Variants in LCA5 observed in about 807,000 individuals in gnomAD.
LCA5 encodes lebercilin.
Under a neutral mutation model 53.0 loss-of-function variants are expected in LCA5, and 37 were observed. The ratio of observed to expected loss-of-function variants is 0.70; its 90% confidence interval spans 0.54 to 0.92. LCA5 has a LOEUF of 0.92. LCA5 is among the 40% of genes least tolerant of loss of function. The pLI, the probability that LCA5 is intolerant of heterozygous loss-of-function variation, is 0.00. For missense variants in LCA5, 806 were observed against 790.5 expected, an observed-to-expected ratio of 1.02 and a Z score of -0.23; for synonymous variants, 303 against 282.9, an observed-to-expected ratio of 1.07 and a Z score of -0.71.
chr6:79,487,549 T>G lies in LCA5; in HGVS notation c.1549A>C (p.Arg517=). 6.2e-7 allele frequency: 1 copy of G among 1,614,040 alleles called. No individual in the cohort carries two copies. The highest frequency in any genetic ancestry group is 8.5e-7 in the Non-Finnish European group (1 of 1,179,926). ...TGCAAATGATGCCCATTAAATAATCTCTCTGAGGATTCAGAGAACCTGTAT... is the reference window on the plus strand; with the variant it reads ...TGCAAATGATGCCCATTAAATAATCGCTCTGAGGATTCAGAGAACCTGTAT... ...KTYRFSESSE[R]LFNGHHLQDI... The change falls in exon 8 of 8, where the codon AGA becomes CGA. Residue 517 remains arginine, a synonymous_variant. Coordinates refer to ENST00000369846, the MANE Select transcript of LCA5 (RefSeq NM_001122769.3).
At chr6:79,491,163 A>G (rs772472597) in intron 6 of LCA5, among the ~76,000 whole-genome samples, 2 of 152,118 alleles carry the variant, frequency 1.3e-5, no homozygotes, top group Non-Finnish European at 2.9e-5. Context: ...GGTACATAAG[A>G]GAAACTTAGA....
chr6:79,487,452 T>C lies in LCA5; in HGVS notation c.1646A>G (p.Asn549Ser). Residue 549 changes from asparagine (N) to serine (S), a missense_variant, in exon 8 of 8, where the codon AAT becomes AGT. Asn to Ser is a conservative substitution (Grantham distance 46). Coordinates refer to ENST00000369846, the MANE Select transcript of LCA5 (RefSeq NM_001122769.3). ...CACGTAGCTACCAAATGCGAACTCA[T>C]TAGGGGAGGCTGGACTTCTAACATT... ...SGNVRSPASPNEFAFGSYVPS... is the reference protein window; with the variant it reads ...SGNVRSPASPSEFAFGSYVPS... 1.2e-6 allele frequency: 2 copies of C among 1,614,042 alleles called. No homozygotes were observed. The highest frequency in any genetic ancestry group is 1.7e-6 in the Non-Finnish European group (2 of 1,179,940).
intron 3 of LCA5, among the ~76,000 whole-genome samples, chr6:79,494,628 ATAATT>A (rs1236903215): frequency 6.6e-6 from 1 of 152,202 alleles, no homozygotes; most frequent in Non-Finnish European, 1.5e-5. Flanking sequence ...TTTGATGTAT[ATAATT>A]TGAGACTTTG....
chr6:79,509,569 T>C (rs575738402), intron 3 of LCA5, among the ~76,000 whole-genome samples: 2 of 152,128 alleles, frequency 1.3e-5, no homozygotes, highest in South Asian at 4.2e-4. Context: ...CTTTGAGGTA[T>C]AGAGCAGATA....
At position 79,491,637 on chromosome 6, in the gene LCA5, G is replaced by A. The variant is rs375310752; in HGVS notation, c.1049C>T (p.Thr350Ile). The change falls in exon 6 of 8, where the codon ACA becomes ATA. Residue 350 changes from threonine to isoleucine, a missense_variant. Coordinates refer to ENST00000369846, the MANE Select transcript of LCA5 (RefSeq NM_001122769.3). ...KPEEYPLTPETIMCYENKWEE... is the reference protein window; with the variant it reads ...KPEEYPLTPEIIMCYENKWEE... Reference sequence around the variant, plus strand: ...CCATTTGTTTTCGTAACACATAATTGTTTCTGGAGTTAAAGGATATTCTTC... The same window carrying A: ...CCATTTGTTTTCGTAACACATAATTATTTCTGGAGTTAAAGGATATTCTTC... 5 of 1,613,126 alleles carry A rather than the reference G, an allele frequency of 3.1e-6. No homozygotes were observed. Among genetic ancestry groups the A allele is most frequent in the Admixed American group, 1.7e-5 (1 of 59,978 alleles).
At chr6:79,495,964 A>G (rs904064850) in intron 3 of LCA5, among the ~76,000 whole-genome samples, 2 of 152,160 alleles carry the variant, frequency 1.3e-5, no homozygotes, top group African/African-American at 2.4e-5. Context: ...AAACATCTGT[A>G]TCTGTCCCAC....
At position 79,513,412 on chromosome 6, in the gene LCA5, G is replaced by A. The variant is rs374629518; in HGVS notation, c.520C>T (p.Arg174Cys). Reference protein sequence around the residue: ...HNNEITALKERLRKSQEKERA... With the variant: ...HNNEITALKECLRKSQEKERA... ...TCTTTCTCTTGAGATTTTCTTAAGC[G>A]TTCTTTGAGTGCTGTAATCTCATTG... The change falls in exon 3 of 8, where the codon CGC (arginine) becomes TGC (cysteine). Residue 174 changes from arginine to cysteine, a missense_variant. Transcript: ENST00000369846. The A allele has an allele frequency of 1.5e-5, 25 of 1,613,502 alleles. No homozygotes were observed. Among genetic ancestry groups the A allele is most frequent in the African/African-American group, 9.4e-5 (7 of 74,822 alleles).
chr6:79,487,924 G>T, intron 7 of LCA5, 58 bp from the exon 8 acceptor site: 1 of 1,312,480 alleles, frequency 7.6e-7, no homozygotes, highest in Non-Finnish European at 1.1e-6. Context: ...TTTTAAATAG[G>T]AAAACTATCA....
At chr6:79,500,574 C>T (rs2655677) in intron 3 of LCA5, among the ~76,000 whole-genome samples, 22,514 of 152,086 alleles carry the variant, frequency 0.15, 1,965 homozygotes, top group African/African-American at 0.23. Context: ...TCCAGTCCAC[C>T]TTACAGTAAT....
Position 79,503,140 on chromosome 6 carries a change from T to C in LCA5, c.721-9390A>G, listed in dbSNP as rs540608622. Among the ~76,000 whole-genome samples, 6 of 152,306 alleles carry C rather than the reference T, an allele frequency of 3.9e-5. No homozygotes were observed. In the South Asian group the frequency reaches 1.2e-3, roughly 32 times the overall value. Reference sequence around the variant, plus strand: ...CAACTGATCCATCTGCCTTGGCCTATCAAAGTTCTGAAATTATAGGCATGA... The same window carrying C: ...CAACTGATCCATCTGCCTTGGCCTACCAAAGTTCTGAAATTATAGGCATGA... On this transcript the variant is annotated intron_variant, in intron 3 of 7. Transcript: ENST00000369846.
intron 1 of LCA5, among the ~76,000 whole-genome samples, chr6:79,526,831 A>G (rs916678419): frequency 1.3e-5 from 2 of 152,174 alleles, no homozygotes; most frequent in Non-Finnish European, 1.5e-5. Context: ...CAGCCCCAGG[A>G]AAAAACTTGG....
At chr6:79,491,813 T>C (rs1000971698) in intron 5 of LCA5, 83 bp from the exon 6 acceptor site, 42 of 1,145,594 alleles carry the variant, frequency 3.7e-5, no homozygotes, top group African/African-American at 1.7e-4. Context: ...TATATATATA[T>C]ATGCATGTGT....
At chr6:79,503,049 T>C (rs992629500) in intron 3 of LCA5, among the ~76,000 whole-genome samples, 1 of 152,066 alleles carries the variant, frequency 6.6e-6, no homozygotes, top group African/African-American at 2.4e-5. Flanking sequence ...ACATGATTAA[T>C]TTTTGTATTT....
chr6:79,529,664 T>C (rs1301433729), intron 1 of LCA5, among the ~76,000 whole-genome samples: 3 of 152,060 alleles, frequency 2.0e-5, no homozygotes, highest in African/African-American at 7.2e-5. Flanking sequence ...CATATGTTTA[T>C]TGCGGCACTA....
intron 3 of LCA5, among the ~76,000 whole-genome samples, chr6:79,499,624 T>C (rs1428442381): frequency 6.6e-6 from 1 of 151,658 alleles, no homozygotes; most frequent in Non-Finnish European, 1.5e-5. Flanking sequence ...AAAATGCAAA[T>C]AGTAGTTATC....
intron 1 of LCA5, among the ~76,000 whole-genome samples, chr6:79,530,578 G>A (rs1435373209): frequency 6.6e-6 from 1 of 152,070 alleles, no homozygotes; most frequent in South Asian, 2.1e-4. Context: ...GATTATTTAG[G>A]TTCTATTTTG....
In LCA5 at chr6:79,518,842, T is replaced by C; in HGVS notation, c.53A>G (p.Lys18Arg). 1 of 1,614,182 alleles carries C rather than the reference T, an allele frequency of 6.2e-7. No homozygotes were observed. The highest frequency in any genetic ancestry group is 8.5e-7 in the Non-Finnish European group (1 of 1,180,018). The change falls in exon 2 of 8, where the codon AAA becomes AGA. Residue 18 changes from lysine (K) to arginine (R), a missense_variant. Physicochemically the swap from Lys to Arg is conservative, Grantham distance 26. Coordinates refer to ENST00000369846, the MANE Select transcript of LCA5 (RefSeq NM_001122769.3). Reference sequence around the variant, plus strand: ...ATCAGATAAGTAAGAATAATGGTGTTTGCCTGCCTTTCTTTCTTGATCAGT... The same window carrying C: ...ATCAGATAAGTAAGAATAATGGTGTCTGCCTGCCTTTCTTTCTTGATCAGT... ...PGTDQERKAG[K>R]HHYSYLSDFE... is the part of the protein sequence containing the mutation.
upstream of LCA5, among the ~76,000 whole-genome samples, chr6:79,538,187 C>T (rs866224307): frequency 1.3e-5 from 2 of 151,862 alleles, no homozygotes; most frequent in African/African-American, 4.8e-5. Flanking sequence ...CTTTAAACTG[C>T]TCCGAGCCAT....
chr6:79,530,094 T>C (rs1766913243), intron 1 of LCA5, among the ~76,000 whole-genome samples: 1 of 152,052 alleles, frequency 6.6e-6, no homozygotes. Flanking sequence ...ACCCTAGAAC[T>C]TGAAGTATAA....
Sources: gnomAD v4.1 joint callset for allele counts (sites outside exome capture counted in the v4.1 genomes callset) on GRCh38, gnomAD v4.1.1 for gene constraint, MANE v1.5 for transcripts, NCBI Gene and HGNC (gene_info 2026-07-23, HGNC 2026-07-21) for gene names.